COL27A1: variants seen among roughly 807,000 people sequenced by gnomAD.
The protein encoded by COL27A1 is collagen type XXVII alpha 1 chain.
A neutral mutation model predicts 251.3 loss-of-function variants in COL27A1; 106 were observed. The observed-to-expected ratio is 0.42, with a 90% CI of 0.36 to 0.50. The LOEUF is 0.50. COL27A1 is among the 20% of genes least tolerant of loss of function. The pLI is 0.00. For missense variants in COL27A1, 2,325 were observed against 2,522.8 expected (o/e 0.92, Z 1.68); for synonymous variants, 1,000 against 986.3 (o/e 1.01, Z -0.26).
At chr9:114,214,694 A>G (rs1292169733) in intron 12 of COL27A1, among the ~76,000 whole-genome samples, 2 of 152,308 alleles carry the variant, frequency 1.3e-5, no homozygotes, top group East Asian at 3.9e-4. Flanking sequence ...TACTCTCCAC[A>G]TGGCTCCCTC....
intron 40 of COL27A1, 85 bp downstream of exon 40, chr9:114,283,847 C>T: frequency 2.2e-6 from 3 of 1,383,992 alleles, no homozygotes; most frequent in African/African-American, 1.4e-5. Flanking sequence ...TGCCCCACCA[C>T]CTCCCAGCTG....
In COL27A1 at chr9:114,205,202, C is replaced by T. The variant is rs967898591; in HGVS notation, c.2169+56C>T. 38 of 1,519,622 alleles carry T rather than the reference C, an allele frequency of 2.5e-5. 1 individual carries two copies. The South Asian group carries it at 4.4e-4, about 17-fold the overall frequency. 94.1% of individuals were successfully genotyped at this position (1,519,622 alleles called of 1,614,324 possible). On this transcript the variant is annotated intron_variant, in intron 8 of 60. Transcript: ENST00000356083. ...TCGCTCTCCCTCCTCCCAGCCCCTA[C>T]CTGTCTCTGGCCCCCTCCCTAGATC...
chr9:114,248,693 C>T (rs879642420), intron 24 of COL27A1, among the ~76,000 whole-genome samples: 8 of 152,030 alleles, frequency 5.3e-5, no homozygotes, highest in East Asian at 1.9e-4. Flanking sequence ...CCCAGGGGTG[C>T]GGGTCGGGGG....
intron 19 of COL27A1, among the ~76,000 whole-genome samples, chr9:114,239,727 G>A (rs1176533737): frequency 6.6e-6 from 1 of 152,202 alleles, no homozygotes; most frequent in Non-Finnish European, 1.5e-5. Flanking sequence ...TGGCCAAGAT[G>A]TAGGAAGGAC....
At chr9:114,244,677 G>C (rs1416294779) in intron 23 of COL27A1, among the ~76,000 whole-genome samples, 1 of 152,226 alleles carries the variant, frequency 6.6e-6, no homozygotes, top group Non-Finnish European at 1.5e-5. Flanking sequence ...GGAGCCGAAG[G>C]GGGAGGAGGC....
chr9:114,233,726 C>T (rs1421768943), intron 16 of COL27A1, among the ~76,000 whole-genome samples: 1 of 152,038 alleles, frequency 6.6e-6, no homozygotes, highest in Non-Finnish European at 1.5e-5. Flanking sequence ...GGCTGGCTTG[C>T]TGATGGGAGT....
intron 28 of COL27A1, among the ~76,000 whole-genome samples, chr9:114,262,708 A>C (rs1271290579): frequency 6.6e-6 from 1 of 152,234 alleles, no homozygotes; most frequent in Non-Finnish European, 1.5e-5. Flanking sequence ...CCCGGTGCCT[A>C]GGGCTGGACC....
At chr9:114,226,476 G>A (rs1277714471) in intron 14 of COL27A1, among the ~76,000 whole-genome samples, 1 of 152,194 alleles carries the variant, frequency 6.6e-6, no homozygotes. Context: ...AGCTGGACCT[G>A]GCCTGTCACA....
intron 2 of COL27A1, among the ~76,000 whole-genome samples, chr9:114,163,760 C>T (rs961219893): frequency 5.3e-5 from 8 of 152,126 alleles, no homozygotes; most frequent in Admixed American, 5.2e-4. Flanking sequence ...TTCTGCTGCC[C>T]AGCAACATTT....
At chr9:114,242,041 AG>A (rs1832795004) in intron 21 of COL27A1, 145 bp from the exon 22 acceptor site, 1 of 604,090 alleles carries the variant, frequency 1.7e-6, no homozygotes, top group Non-Finnish European at 2.7e-6. Flanking sequence ...GGGTGGGGCC[AG>A]GCAGGTGGGC....
At chr9:114,196,087 T>G in intron 7 of COL27A1, 75 bp downstream of exon 7, 1 of 1,273,622 alleles carries the variant, frequency 7.9e-7, no homozygotes, top group Non-Finnish European at 1.1e-6. Context: ...AGAAGAGCTG[T>G]GGGCCCACCT....
chr9:114,298,321 C>G (rs1186944848), intron 49 of COL27A1, among the ~76,000 whole-genome samples: 4 of 152,120 alleles, frequency 2.6e-5, no homozygotes, highest in Admixed American at 6.5e-5. Flanking sequence ...AAAATCCAAG[C>G]TGACTTTTTA....
intron 15 of COL27A1, 122 bp from the exon 16 acceptor site, chr9:114,231,700 A>G (rs1426241696): frequency 2.1e-6 from 2 of 944,380 alleles, no homozygotes; most frequent in Non-Finnish European, 3.4e-6. Flanking sequence ...CCTTTTACAG[A>G]TGTGAACACT....
intron 37 of COL27A1, among the ~76,000 whole-genome samples, chr9:114,279,577 G>A (rs1304007322): frequency 6.6e-6 from 1 of 152,198 alleles, no homozygotes. Flanking sequence ...AGTGACTCAT[G>A]CTGGTAGTCC....
chr9:114,211,041 T>C lies in COL27A1; in HGVS notation c.2367+15T>C. On this transcript the variant is annotated intron_variant, in intron 12 of 60. Transcript: ENST00000356083. ...TGGGTATGCCGGTAAAGATTTTCCG[T>C]GTCTATTACGCAGACTCTAGCGGGG... is the stretch of plus-strand genomic sequence containing the variant. 1 of 1,614,062 alleles carries C rather than the reference T, an allele frequency of 6.2e-7. No individual in the cohort carries two copies. Among genetic ancestry groups the C allele is most frequent in the Non-Finnish European group, 8.5e-7 (1 of 1,179,876 alleles).
At position 114,284,711 on chromosome 9, in the gene COL27A1, T is replaced by C. The variant is rs1406334765; in HGVS notation, c.3934-13T>C. 2.4e-5 allele frequency: 39 copies of C among 1,613,624 alleles called. No individual in the cohort carries two copies. The highest frequency in any genetic ancestry group is 2.7e-5 in the Non-Finnish European group (32 of 1,179,836). On this transcript the variant is annotated splice_polypyrimidine_tract_variant and intron_variant, in intron 40 of 60. Transcript: ENST00000356083. ...TCCTCATTCTCACTTCCCTCCTTCT[T>C]GTTTGCCTGCAGGGACACAAAGGCA... is the stretch of plus-strand genomic sequence containing the variant.
intron 49 of COL27A1, among the ~76,000 whole-genome samples, chr9:114,295,256 T>A (rs1319402549): frequency 6.6e-6 from 1 of 152,214 alleles, no homozygotes; most frequent in Non-Finnish European, 1.5e-5. Flanking sequence ...ATATGTACAC[T>A]GAGAACTATA....
At chr9:114,173,723 A>AG (rs1849489041) in intron 3 of COL27A1, among the ~76,000 whole-genome samples, 1 of 151,976 alleles carries the variant, frequency 6.6e-6, no homozygotes, top group South Asian at 2.1e-4. Flanking sequence ...AGGGGAGTAA[A>AG]GCACATATGA....
intron 34 of COL27A1, among the ~76,000 whole-genome samples, chr9:114,267,806 T>C (rs1021360403): frequency 2.0e-5 from 3 of 152,168 alleles, no homozygotes; most frequent in Non-Finnish European, 4.4e-5. Context: ...CTGTACCTCC[T>C]GGCCTCATGC....
Sources: gnomAD v4.1 joint callset for allele counts (sites outside exome capture counted in the v4.1 genomes callset) on GRCh38, gnomAD v4.1.1 for gene constraint, MANE v1.5 for transcripts, NCBI Gene and HGNC (gene_info 2026-07-23, HGNC 2026-07-21) for gene names.